PRKACA: variants seen among roughly 807,000 people sequenced by gnomAD.
PRKACA encodes the protein cAMP-dependent protein kinase catalytic subunit alpha.
Under a neutral mutation model 45.8 loss-of-function variants are expected in PRKACA, and 9 were observed. That is an observed-to-expected ratio of 0.20 (90% confidence interval 0.12 to 0.34). The LOEUF is 0.34. Ranked by LOEUF, PRKACA falls within the 10% of genes least tolerant of loss-of-function variation. The probability of loss-of-function intolerance (pLI) is 1.00; values close to 1 mark genes in which losing one functional copy is unlikely to be tolerated. For synonymous variants in PRKACA, 160 were observed against 178.6 expected, an observed-to-expected ratio of 0.90 and a Z score of 0.83; for missense variants, 238 against 458.6, an observed-to-expected ratio of 0.52 and a Z score of 4.39.
chr19:14,103,684 G>C (rs772736595), intron 3 of PRKACA, among the ~76,000 whole-genome samples: 1 of 152,212 alleles, frequency 6.6e-6, no homozygotes, highest in Non-Finnish European at 1.5e-5. Context: ...GTCCCCATTA[G>C]CCACAGGGGG....
rs1977483888 is a variant in PRKACA at position 14,102,823 on chromosome 19, G to A, written c.329C>T (p.Ser110Phe). 6.2e-7 allele frequency: 1 copy of A among 1,613,894 alleles called. No homozygotes were observed. The highest frequency in any genetic ancestry group is 8.5e-7 in the Non-Finnish European group (1 of 1,179,734). Residue 110 changes from serine to phenylalanine, a missense_variant, in exon 4 of 10, where the codon TCC becomes TTC. Coordinates refer to ENST00000308677, the MANE Select transcript of PRKACA (RefSeq NM_002730.4). The part of the protein sequence containing the change: ...NFPFLVKLEF[S>F]FKDNSNLYMV... ...TGGCCACTGGGACCCCACCTTGAAG[G>A]AGAACTCGAGTTTGACGAGGAACGG...
chr19:14,115,522 A>G (rs1176512193), intron 1 of PRKACA, among the ~76,000 whole-genome samples: 4 of 152,146 alleles, frequency 2.6e-5, no homozygotes, highest in Non-Finnish European at 5.9e-5. Context: ...TTTGGATAAC[A>G]GCCCGTTATG....
chr19:14,096,351 GTT>G (rs757373093), intron 8 of PRKACA: 18 of 108,294 alleles, frequency 1.7e-4, no homozygotes, highest in Non-Finnish European at 1.8e-4. Context: ...CGGCCAGTTT[GTT>G]TTTTTTTTTT....
intron 1 of PRKACA, 77 bp from the exon 2 acceptor site, chr19:14,107,486 A>T (rs1270423273): frequency 6.6e-7 from 1 of 1,517,022 alleles, no homozygotes; most frequent in Non-Finnish European, 9.1e-7. Context: ...CTGGGGAGAT[A>T]CTTGGTGGAA....
chr19:14,115,212 A>G (rs1967083094), intron 1 of PRKACA: 1 of 670,120 alleles, frequency 1.5e-6, no homozygotes, highest in Admixed American at 6.3e-5. Context: ...ATCTAGTTAC[A>G]CTGTATTTAA....
chr19:14,115,001 T>C (rs1387626370), intron 1 of PRKACA, among the ~76,000 whole-genome samples: 1 of 152,092 alleles, frequency 6.6e-6, no homozygotes, highest in Non-Finnish European at 1.5e-5. Flanking sequence ...CCCCTGCCCC[T>C]GCCCCACCCT....
chr19:14,117,342 C>A (rs1203219614), intron 1 of PRKACA, among the ~76,000 whole-genome samples, 160 bp downstream of exon 1: 3 of 145,096 alleles, frequency 2.1e-5, no homozygotes, highest in African/African-American at 7.7e-5. Context: ...GGGTACTCTG[C>A]GGGCCCGCGG....
intron 1 of PRKACA, among the ~76,000 whole-genome samples, chr19:14,109,349 G>T (rs891951002): frequency 3.3e-5 from 5 of 151,976 alleles, no homozygotes; most frequent in African/African-American, 1.2e-4. Flanking sequence ...GCCGGGCATG[G>T]TGGCAGGAGA....
intron 1 of PRKACA, chr19:14,112,696 C>G (rs1967002014): frequency 6.6e-6 from 1 of 152,324 alleles, no homozygotes; most frequent in African/African-American, 2.4e-5. Flanking sequence ...GGGTGTCCCT[C>G]TGGCTGGCCT....
At chr19:14,098,026 A>G (rs1977315472) in intron 5 of PRKACA, 136 bp from the exon 6 acceptor site, 4 of 1,092,132 alleles carry the variant, frequency 3.7e-6, no homozygotes, top group Non-Finnish European at 2.6e-6. Flanking sequence ...TGATTCTTAG[A>G]TAGCCCGACA....
intron 1 of PRKACA, among the ~76,000 whole-genome samples, chr19:14,115,881 G>A (rs564280621): frequency 4.1e-5 from 6 of 147,542 alleles, no homozygotes; most frequent in Non-Finnish European, 8.9e-5. Flanking sequence ...CTCCCCCCCC[G>A]GCCAAGTCCC....
chr19:14,098,900 T>C (rs1977353144), intron 5 of PRKACA, among the ~76,000 whole-genome samples: 2 of 151,682 alleles, frequency 1.3e-5, no homozygotes, highest in African/African-American at 4.9e-5. Flanking sequence ...GGAGGTTAGG[T>C]AGCTATATAC....
Position 14,093,041 on chromosome 19 carries a change from A to AGGCCGCC in PRKACA, c.*70_*71insGGCGGCC. 1 of 500,030 alleles carries AGGCCGCC rather than the reference A, an allele frequency of 2.0e-6. No homozygotes were observed. The highest frequency in any genetic ancestry group is 3.6e-6 in the Non-Finnish European group (1 of 278,314). 31.0% of individuals were successfully genotyped at this position (500,030 alleles called of 1,614,324 possible). The stretch of plus-strand genomic sequence containing the variant: ...CTGGGGCCCTCTGGCTGTTCAATCC[A>AGGCCGCC]ACCCTCCCACCCCCCCGACCAAAAA... On this transcript the variant is annotated 3_prime_UTR_variant, in exon 10 of 10. Coordinates refer to ENST00000308677, the MANE Select transcript of PRKACA (RefSeq NM_002730.4).
In PRKACA at chr19:14,092,480, G is replaced by A; in HGVS notation, c.*632C>T. The stretch of plus-strand genomic sequence containing the variant: ...AGTCAGTCTGCTTCTCTTTAAAATG[G>A]ATTTGAGGAATGGGGGGACATGGGA... On this transcript the variant is annotated 3_prime_UTR_variant, in exon 10 of 10. Coordinates refer to ENST00000308677, the MANE Select transcript of PRKACA (RefSeq NM_002730.4). 1 of 396,406 alleles carries A rather than the reference G, an allele frequency of 2.5e-6. No individual in the cohort carries two copies. The highest frequency in any genetic ancestry group is 4.4e-6 in the Non-Finnish European group (1 of 225,024). The allele number at this position is 396,406 out of a possible 1,614,324, so 24.6% of individuals were successfully genotyped here.
rs768624241 is a variant in PRKACA at position 14,097,648 on chromosome 19, G to A, written c.573C>T (p.Arg191=). ...ACAAGGTCCAAGTGCGGCCCTTCAC[G>A]CGCTTGGCGAAACCGAAGTCTGTCA... is the stretch of plus-strand genomic sequence containing the variant. ...IQVTDFGFAK[R]VKGRTWTLCG... The change falls in exon 7 of 10, where the codon CGC becomes CGT. Residue 191 remains arginine, a synonymous_variant. Coordinates refer to ENST00000308677, the MANE Select transcript of PRKACA (RefSeq NM_002730.4). The surrounding 1 kb of genome is among the most constrained non-coding windows in gnomAD (Gnocchi z 5.4). 3.0e-5 allele frequency: 49 copies of A among 1,609,396 alleles called. No homozygotes were observed. The highest frequency in any genetic ancestry group is 4.0e-5 in the African/African-American group (3 of 74,802).
intron 3 of PRKACA, among the ~76,000 whole-genome samples, chr19:14,104,476 T>C (rs1316326594): frequency 3.4e-5 from 5 of 149,172 alleles, no homozygotes; most frequent in Non-Finnish European, 7.4e-5. Context: ...GCCGGTGGAT[T>C]ACAAGGTCAG....
intron 8 of PRKACA, among the ~76,000 whole-genome samples, chr19:14,096,039 T>G (rs986806423): frequency 1.9e-4 from 28 of 143,670 alleles, no homozygotes; most frequent in Admixed American, 3.4e-4. Context: ...TTAGTTTTTT[T>G]TTTTTTTTTT....
chr19:14,107,584 CA>C, intron 1 of PRKACA, 175 bp from the exon 2 acceptor site: 1 of 1,299,642 alleles, frequency 7.7e-7, no homozygotes, highest in Non-Finnish European at 1.0e-6. Flanking sequence ...TCCCTTGCTA[CA>C]GAGAGGTGGG....
Position 14,097,161 on chromosome 19 carries a change from A to C in PRKACA, c.765+200T>G, listed in dbSNP as rs1209145102. 2.3e-5 allele frequency: 16 copies of C among 707,694 alleles called. No individual in the cohort carries two copies. The highest frequency in any genetic ancestry group is 1.2e-4 in the East Asian group (4 of 32,668). 43.8% of individuals were successfully genotyped at this position (707,694 alleles called of 1,614,324 possible). On this transcript the variant is annotated intron_variant, in intron 8 of 9. Coordinates refer to ENST00000308677, the MANE Select transcript of PRKACA (RefSeq NM_002730.4). This position sits in a 1 kb window ranked among gnomAD's most constrained non-coding sequence, Gnocchi z 5.4. ...TTTTGGAAGCCCATGGGATTCTGGA[A>C]CCGCGGGGTTGGGGCTGGACAGCAA...
Sources: allele counts gnomAD v4.1 joint callset (sites outside exome capture counted in the v4.1 genomes callset), GRCh38; gene constraint gnomAD v4.1.1; non-coding constraint Gnocchi (gnomAD v3.1); transcripts MANE v1.5; gene names NCBI Gene and HGNC (gene_info 2026-07-23, HGNC 2026-07-21).